KAZN: variants seen among roughly 807,000 people sequenced by gnomAD.
KAZN encodes the protein kazrin, periplakin interacting protein.
A neutral mutation model predicts 87.4 loss-of-function variants in KAZN; 40 were observed. That is an observed-to-expected ratio of 0.46 (90% CI 0.36 to 0.60). The LOEUF (loss-of-function observed/expected upper bound fraction) is 0.60. KAZN is among the 20% of genes least tolerant of loss of function. KAZN has a pLI of 0.00. For synonymous variants in KAZN, 466 were observed against 458.3 expected, an observed-to-expected ratio of 1.02 and a Z score of -0.22; for missense variants, 898 against 1,073.9, an observed-to-expected ratio of 0.84 and a Z score of 2.29.
At chr1:14,091,799 CT>C (rs886140821) in intron 1 of KAZN, among the ~76,000 whole-genome samples, 11 of 152,248 alleles carry the variant, frequency 7.2e-5, no homozygotes, top group African/African-American at 2.6e-4. Context: ...TCCCAGAAAC[CT>C]TGGAAGACTA....
At chr1:15,103,732 G>C (rs529587) in intron 12 of KAZN, among the ~76,000 whole-genome samples, 77,148 of 151,928 alleles carry the variant, frequency 0.51, 19,812 homozygotes, top group East Asian at 0.77. Context: ...TTGCTCACAT[G>C]GGGTAGAGAG....
At chr1:14,374,562 C>A (rs1049264100) in intron 2 of KAZN, among the ~76,000 whole-genome samples, 2 of 152,026 alleles carry the variant, frequency 1.3e-5, no homozygotes, top group Non-Finnish European at 2.9e-5. Flanking sequence ...CCAATGAAAA[C>A]CCATTTGGAA....
chr1:15,019,889 C>T (rs1019240485), intron 2 of KAZN, among the ~76,000 whole-genome samples: 2 of 152,192 alleles, frequency 1.3e-5, no homozygotes, highest in Non-Finnish European at 2.9e-5. Flanking sequence ...GCTGGGGAAG[C>T]CACCACCTTT....
chr1:14,060,137 G>T (rs1049987302), intron 1 of KAZN, among the ~76,000 whole-genome samples: 6 of 152,124 alleles, frequency 3.9e-5, no homozygotes, highest in Non-Finnish European at 8.8e-5. Flanking sequence ...GCCGAGGCGG[G>T]CGGATCACAA....
At chr1:14,494,012 C>T (rs1669814062) in intron 2 of KAZN, among the ~76,000 whole-genome samples, 1 of 152,204 alleles carries the variant, frequency 6.6e-6, no homozygotes, top group Admixed American at 6.5e-5. Flanking sequence ...TGGGCCATGT[C>T]TTCTGGCTTT....
intron 1 of KAZN, among the ~76,000 whole-genome samples, chr1:14,799,457 A>C (rs1207881284): frequency 6.6e-6 from 1 of 152,262 alleles, no homozygotes; most frequent in African/African-American, 2.4e-5. Context: ...AAGGAGGAAC[A>C]CTTGAAACCT....
At chr1:13,945,215 T>C (rs1306842359) in intron 1 of KAZN, among the ~76,000 whole-genome samples, 1 of 152,170 alleles carries the variant, frequency 6.6e-6, no homozygotes, top group African/African-American at 2.4e-5. Context: ...GGCTCACACC[T>C]ATAATACCAG....
intron 2 of KAZN, among the ~76,000 whole-genome samples, chr1:14,281,603 T>C (rs966422109): frequency 2.6e-5 from 4 of 152,202 alleles, no homozygotes; most frequent in African/African-American, 9.7e-5. Context: ...AAGGCTGATA[T>C]GCACCCTTCC....
At chr1:14,918,189 C>T (rs1039952591) in intron 1 of KAZN, among the ~76,000 whole-genome samples, 1 of 152,114 alleles carries the variant, frequency 6.6e-6, no homozygotes, top group African/African-American at 2.4e-5. Context: ...GATCTAGATG[C>T]ACTTCTAATG....
At chr1:14,331,148 T>G (rs567504511) in intron 2 of KAZN, among the ~76,000 whole-genome samples, 1 of 152,184 alleles carries the variant, frequency 6.6e-6, no homozygotes, top group South Asian at 2.1e-4. Context: ...TGGTGGCCCC[T>G]TTTACCTCTG....
In KAZN at chr1:14,992,683, G is replaced by A. The variant is rs188034800; in HGVS notation, c.418+31808G>A. ...TTTTGTTGAGAAGTTTAGCCCTATC[G>A]CCCAGGCTGGAGTGCAGCAGCGCAA... On this transcript the variant is annotated intron_variant, in intron 2 of 14. Coordinates refer to ENST00000376030, the MANE Select transcript of KAZN (RefSeq NM_201628.3). Among the ~76,000 whole-genome samples, 370 of 152,134 alleles carry A rather than the reference G, an allele frequency of 2.4e-3. 6 individuals carry two copies. The highest frequency in any genetic ancestry group is 8.2e-3 in the African/African-American group (340 of 41,500).
intron 1 of KAZN, among the ~76,000 whole-genome samples, chr1:14,728,917 A>T (rs546852472): frequency 5.9e-5 from 9 of 152,292 alleles, no homozygotes; most frequent in African/African-American, 2.2e-4. Context: ...AACACTCCAT[A>T]AAGTTTCCTT....
intron 2 of KAZN, among the ~76,000 whole-genome samples, chr1:14,266,294 C>T (rs189278442): frequency 1.3e-5 from 2 of 152,164 alleles, no homozygotes; most frequent in African/African-American, 4.8e-5. Context: ...ACTTTTGCTT[C>T]GAGAAGAAAT....
intron 1 of KAZN, among the ~76,000 whole-genome samples, chr1:14,623,969 G>A (rs1678912502): frequency 6.6e-6 from 1 of 151,894 alleles, no homozygotes; most frequent in African/African-American, 2.4e-5. Context: ...GGTATATCTT[G>A]GTAAATCATT....
intron 1 of KAZN, among the ~76,000 whole-genome samples, chr1:14,810,201 T>G (rs571840346): frequency 3.9e-5 from 6 of 152,244 alleles, no homozygotes; most frequent in African/African-American, 1.4e-4. Context: ...TCAAGAATCA[T>G]GGACTGGGAG....
chr1:14,995,117 G>A (rs544896573), intron 2 of KAZN, among the ~76,000 whole-genome samples: 12 of 152,362 alleles, frequency 7.9e-5, no homozygotes, highest in African/African-American at 2.4e-4. Flanking sequence ...GAAGAGGGGA[G>A]CTGGAAGAGA....
chr1:14,651,713 C>T (rs11800414), intron 1 of KAZN, among the ~76,000 whole-genome samples: 41,227 of 152,096 alleles, frequency 0.27, 5,840 homozygotes, highest in South Asian at 0.36. Flanking sequence ...ACGAGAATAA[C>T]TGCAGGGTCT....
chr1:14,494,564 G>A (rs902371562), intron 2 of KAZN, among the ~76,000 whole-genome samples: 2 of 152,090 alleles, frequency 1.3e-5, no homozygotes, highest in African/African-American at 4.8e-5. Context: ...GTGACATGTT[G>A]ATGTACACAG....
intron 2 of KAZN, among the ~76,000 whole-genome samples, chr1:14,298,237 A>G (rs1263261903): frequency 6.6e-6 from 1 of 152,130 alleles, no homozygotes; most frequent in Non-Finnish European, 1.5e-5. Flanking sequence ...AAAAAAGTAA[A>G]TTGGTTAAAC....
Sources: allele counts gnomAD v4.1 joint callset (sites outside exome capture counted in the v4.1 genomes callset), GRCh38; gene constraint gnomAD v4.1.1; transcripts MANE v1.5; gene names NCBI Gene and HGNC (gene_info 2026-07-23, HGNC 2026-07-21).